Variants in SUGCT observed in about 807,000 individuals in gnomAD.
The protein encoded by SUGCT is succinyl-CoA:glutarate-CoA transferase, also known as succinyl-CoA:glutarate CoA-transferase.
A neutral mutation model predicts 55.0 loss-of-function variants in SUGCT; 41 were observed. That is an observed-to-expected ratio of 0.74 (90% CI 0.58 to 0.97). The LOEUF is 0.97. SUGCT is among the 50% of genes least tolerant of loss of function. The pLI, the probability that SUGCT is intolerant of heterozygous loss-of-function variation, is 0.00. For missense variants in SUGCT, 568 were observed against 547.8 expected (o/e 1.04, Z -0.37); for synonymous variants, 187 against 200.4 (o/e 0.93, Z 0.56).
chr7:40,321,062 T>TTTC (rs137912436), intron 9 of SUGCT, among the ~76,000 whole-genome samples: 3,720 of 147,772 alleles, frequency 0.025, 115 homozygotes, highest in African/African-American at 0.07. Context: ...TTCTTTTCTT[T>TTTC]TTTCTTTCTT....
intron 12 of SUGCT, among the ~76,000 whole-genome samples, chr7:40,622,096 C>T (rs1799289808): frequency 6.6e-6 from 1 of 152,196 alleles, no homozygotes; most frequent in South Asian, 2.1e-4. Flanking sequence ...CTGCCTCATC[C>T]TTCTAGCCCC....
At chr7:41,027,366 T>A in the SUGCT span, among the ~76,000 whole-genome samples, 1 of 152,188 alleles carries the variant, frequency 6.6e-6, no homozygotes, top group African/African-American at 2.4e-5. Flanking sequence ...GGTCAAGGGA[T>A]GTGGTTGCTC....
intron 11 of SUGCT, among the ~76,000 whole-genome samples, chr7:40,490,988 T>C (rs1033063366): frequency 1.3e-5 from 2 of 152,324 alleles, no homozygotes; most frequent in South Asian, 2.1e-4. Flanking sequence ...TTAAACATAG[T>C]CTTTCCAAGG....
intron 12 of SUGCT, among the ~76,000 whole-genome samples, chr7:40,748,091 C>T (rs928709936): frequency 6.6e-6 from 1 of 152,050 alleles, no homozygotes; most frequent in African/African-American, 2.4e-5. Flanking sequence ...ATTTTAAATC[C>T]AAGCCAAAGC....
At chr7:40,505,946 T>C (rs1302017643) in intron 12 of SUGCT, among the ~76,000 whole-genome samples, 2 of 152,132 alleles carry the variant, frequency 1.3e-5, no homozygotes, top group African/African-American at 4.8e-5. Flanking sequence ...GTCAAATATG[T>C]TACATTTATA....
chr7:40,822,829 G>A (rs1343943943), intron 13 of SUGCT, among the ~76,000 whole-genome samples: 1 of 152,092 alleles, frequency 6.6e-6, no homozygotes, highest in Non-Finnish European at 1.5e-5. Context: ...AGAGTGTTAA[G>A]GAAATGGGGA....
At chr7:40,395,147 C>T (rs762744110) in intron 9 of SUGCT, among the ~76,000 whole-genome samples, 38 of 152,096 alleles carry the variant, frequency 2.5e-4, no homozygotes, top group Admixed American at 7.9e-4. Context: ...TGCTACCCAG[C>T]GTGGTCCTGA....
the SUGCT span, among the ~76,000 whole-genome samples, chr7:40,887,871 A>G: frequency 1.3e-5 from 2 of 152,170 alleles, no homozygotes; most frequent in Non-Finnish European, 2.9e-5. Context: ...AATGAAAAGC[A>G]GGGGAATGTG....
At chr7:40,162,042 G>T (rs571732062) in intron 1 of SUGCT, among the ~76,000 whole-genome samples, 1 of 151,822 alleles carries the variant, frequency 6.6e-6, no homozygotes, top group South Asian at 2.1e-4. Flanking sequence ...GATTACAGGC[G>T]CCCACCACTA....
At chr7:40,687,053 C>A (rs888649861) in intron 12 of SUGCT, among the ~76,000 whole-genome samples, 1 of 152,074 alleles carries the variant, frequency 6.6e-6, no homozygotes, top group Non-Finnish European at 1.5e-5. Context: ...CATTTTTTTC[C>A]CATCTTCTAA....
intron 13 of SUGCT, among the ~76,000 whole-genome samples, chr7:40,798,165 T>C (rs1245001079): frequency 6.6e-6 from 1 of 152,212 alleles, no homozygotes; most frequent in African/African-American, 2.4e-5. Flanking sequence ...CAAACTGTAT[T>C]ATAGTAATAA....
chr7:40,338,582 A>G (rs892728619), intron 9 of SUGCT, among the ~76,000 whole-genome samples: 1 of 152,114 alleles, frequency 6.6e-6, no homozygotes, highest in African/African-American at 2.4e-5. Context: ...TTCTCGTGCC[A>G]TGGTTTTCAG....
intron 12 of SUGCT, among the ~76,000 whole-genome samples, chr7:40,732,882 G>A (rs900931813): frequency 3.9e-5 from 6 of 152,110 alleles, no homozygotes; most frequent in African/African-American, 7.2e-5. Flanking sequence ...TTGAGGTCAG[G>A]AGTTCGAGAC....
chr7:40,858,023 T>A (rs567850303), intron 13 of SUGCT, among the ~76,000 whole-genome samples: 22 of 152,300 alleles, frequency 1.4e-4, no homozygotes, highest in Middle Eastern at 3.4e-3. Flanking sequence ...TTCCTAACCT[T>A]AATCCTAACT....
At chr7:40,779,485 A>C (rs571230006) in intron 13 of SUGCT, among the ~76,000 whole-genome samples, 1 of 152,320 alleles carries the variant, frequency 6.6e-6, no homozygotes, top group Admixed American at 6.5e-5. Context: ...ATGCGGGGTC[A>C]GCACAAACAT....
chr7:40,573,731 C>CT (rs1166829096), intron 12 of SUGCT, among the ~76,000 whole-genome samples: 2 of 152,142 alleles, frequency 1.3e-5, no homozygotes, highest in African/African-American at 2.4e-5. Flanking sequence ...TAAGCCAACT[C>CT]TGAGTTTTTG....
intron 13 of SUGCT, among the ~76,000 whole-genome samples, chr7:40,842,571 C>T (rs184540096): frequency 6.6e-6 from 1 of 152,156 alleles, no homozygotes; most frequent in Admixed American, 6.5e-5. Context: ...TGTAGAAACT[C>T]TTCCTCTTCA....
At chr7:40,895,946 A>G in the SUGCT span, among the ~76,000 whole-genome samples, 2 of 152,232 alleles carry the variant, frequency 1.3e-5, no homozygotes, top group Non-Finnish European at 2.9e-5. Context: ...GAATTGAGAT[A>G]TAGCTGTCTA....
chr7:40,390,682 C>A (rs892645853), intron 9 of SUGCT, among the ~76,000 whole-genome samples: 9 of 152,266 alleles, frequency 5.9e-5, no homozygotes, highest in Non-Finnish European at 8.8e-5. Context: ...TAGGAAGAAT[C>A]AATATCATGA....
Sources: gnomAD v4.1 joint callset for allele counts (sites outside exome capture counted in the v4.1 genomes callset) on GRCh38, gnomAD v4.1.1 for gene constraint, MANE v1.5 for transcripts, NCBI Gene and HGNC (gene_info 2026-07-23, HGNC 2026-07-21) for gene names.